Variants in TMEM117 observed in about 807,000 individuals in gnomAD.
TMEM117 encodes transmembrane protein 117.
A neutral mutation model predicts 52.4 loss-of-function variants in TMEM117; 27 were observed. That is an observed-to-expected ratio of 0.51 (90% confidence interval 0.38 to 0.71). The LOEUF (loss-of-function observed/expected upper bound fraction) is 0.71, where lower values mean the gene tolerates loss of function less well. Among genes scored for constraint, TMEM117 ranks in the 30% least tolerant of loss-of-function variants. The pLI, the probability that TMEM117 is intolerant of heterozygous loss-of-function variation, is 0.00. For synonymous variants in TMEM117, 215 were observed against 206.3 expected (o/e 1.04, Z -0.36); for missense variants, 556 against 630.5 (o/e 0.88, Z 1.26).
intron 3 of TMEM117, among the ~76,000 whole-genome samples, chr12:43,960,307 G>GGGGAGA (rs1333087216): frequency 6.6e-6 from 1 of 151,880 alleles, no homozygotes; most frequent in Non-Finnish European, 1.5e-5. Context: ...GGTTGAGTAA[G>GGGGAGA]GGGAGAGGGA....
intron 2 of TMEM117, among the ~76,000 whole-genome samples, chr12:43,891,138 A>G (rs571284063): frequency 9.9e-5 from 15 of 152,034 alleles, no homozygotes; most frequent in Admixed American, 2.0e-4. Context: ...TCCACATTTC[A>G]GGATTTATCT....
intron 6 of TMEM117, among the ~76,000 whole-genome samples, chr12:44,321,318 C>T (rs548927849): frequency 6.6e-6 from 1 of 152,250 alleles, no homozygotes; most frequent in South Asian, 2.1e-4. Context: ...CTTCTGGTAA[C>T]TCTTTTAGTT....
intron 6 of TMEM117, among the ~76,000 whole-genome samples, chr12:44,333,549 T>A (rs1951301121): frequency 6.6e-6 from 1 of 151,820 alleles, no homozygotes; most frequent in African/African-American, 2.4e-5. Flanking sequence ...GATCTGATAG[T>A]TTTATAAGGA....
At chr12:44,242,566 G>A (rs1216710366) in intron 5 of TMEM117, among the ~76,000 whole-genome samples, 2 of 151,222 alleles carry the variant, frequency 1.3e-5, no homozygotes. Flanking sequence ...TTGATTCCAT[G>A]CCTTTGCCAT....
chr12:44,281,049 T>A (rs985288123), intron 5 of TMEM117, among the ~76,000 whole-genome samples: 1 of 152,198 alleles, frequency 6.6e-6, no homozygotes, highest in African/African-American at 2.4e-5. Flanking sequence ...TAAGTCAGCA[T>A]CTTCACAAGT....
chr12:44,054,790 A>C (rs1278857422), intron 3 of TMEM117, among the ~76,000 whole-genome samples: 1 of 150,240 alleles, frequency 6.7e-6, no homozygotes, highest in Non-Finnish European at 1.5e-5. Context: ...TGTGCACAAC[A>C]TGCAGGTTTG....
rs186528832 is a variant in TMEM117 at position 44,284,806 on chromosome 12, A to C, written c.609-14774A>C. 1.9e-3 allele frequency among the ~76,000 whole-genome samples: 261 copies of C among 138,944 alleles called. 1 individual carries two copies. Among genetic ancestry groups the C allele is most frequent in the Non-Finnish European group, 3.0e-3 (202 of 67,346 alleles). The allele number at this position is 138,944 out of a possible 152,430, so 91.2% of individuals were successfully genotyped here. A position where few individuals can be genotyped will look rare whatever the true frequency, so the allele number is the denominator to read the frequency against. ...TCTCCTAATGGCTTTGCATTCTACT[A>C]GGTATTTTTTTTCTATTTTTTATTC... On this transcript the variant is annotated intron_variant, in intron 5 of 7. Coordinates refer to ENST00000266534, the MANE Select transcript of TMEM117 (RefSeq NM_032256.3).
chr12:43,999,733 C>A (rs1946087493), intron 3 of TMEM117, among the ~76,000 whole-genome samples: 1 of 152,102 alleles, frequency 6.6e-6, no homozygotes, highest in Non-Finnish European at 1.5e-5. Flanking sequence ...CTCAAGCAGT[C>A]CACTCGCCTC....
intron 3 of TMEM117, among the ~76,000 whole-genome samples, chr12:44,068,392 A>G (rs1305885552): frequency 6.6e-6 from 1 of 152,216 alleles, no homozygotes; most frequent in Non-Finnish European, 1.5e-5. Context: ...CACTAAGCTT[A>G]ATCATTTCTA....
chr12:43,949,691 T>A (rs1819128), intron 3 of TMEM117, among the ~76,000 whole-genome samples: 149,887 of 152,240 alleles, frequency 0.98, 73,816 homozygotes, highest in East Asian at 1. Flanking sequence ...ACTGCCTATC[T>A]CCTGATGGTA....
chr12:44,017,233 C>CTGTGTG (rs143648069), intron 3 of TMEM117, among the ~76,000 whole-genome samples: 24 of 147,210 alleles, frequency 1.6e-4, no homozygotes, highest in African/African-American at 5.4e-4. Context: ...ATGAAGCCTT[C>CTGTGTG]TGTGTGTGTG....
At chr12:44,019,345 T>C (rs1413904953) in intron 3 of TMEM117, among the ~76,000 whole-genome samples, 2 of 151,992 alleles carry the variant, frequency 1.3e-5, no homozygotes, top group Admixed American at 1.3e-4. Context: ...AGGAGACCCA[T>C]TGTAGTTTCA....
At chr12:44,296,437 A>G (rs1187947738) in intron 5 of TMEM117, among the ~76,000 whole-genome samples, 1 of 152,188 alleles carries the variant, frequency 6.6e-6, no homozygotes, top group Non-Finnish European at 1.5e-5. Context: ...ATTGGGCAAG[A>G]CTGCCCCTGA....
intron 7 of TMEM117, among the ~76,000 whole-genome samples, chr12:44,378,978 A>T (rs1331909280): frequency 6.6e-6 from 1 of 152,146 alleles, no homozygotes; most frequent in East Asian, 1.9e-4. Context: ...TGGAGCTTAA[A>T]TTCAAAATAT....
At chr12:44,091,796 A>G (rs1408140987) in intron 3 of TMEM117, among the ~76,000 whole-genome samples, 1 of 152,256 alleles carries the variant, frequency 6.6e-6, no homozygotes, top group Non-Finnish European at 1.5e-5. Flanking sequence ...GAAACAATTT[A>G]AAACTGCATG....
rs182678589 is a variant in TMEM117 at position 44,167,591 on chromosome 12, C to T, written c.510+23967C>T. ...CTGAGGCAGGAGCATCGCTTGAACC[C>T]GGGAGGCAGAATTTGCAGTGAGCTG... On this transcript the variant is annotated intron_variant, in intron 4 of 7. Transcript: ENST00000266534. 3.5e-3 allele frequency among the ~76,000 whole-genome samples: 529 copies of T among 151,978 alleles called. 4 individuals are homozygous for T. The highest frequency in any genetic ancestry group is 0.011 in the African/African-American group (443 of 41,468).
rs963160858 is a variant in TMEM117, at chr12:44,389,752, T to C, written c.*1080T>C. 4 of 152,392 alleles carry C rather than the reference T, an allele frequency of 2.6e-5. No individual in the cohort carries two copies. Among genetic ancestry groups the C allele is most frequent in the Admixed American group, 2.6e-4 (4 of 15,248 alleles). 9.4% of individuals were successfully genotyped at this position (152,392 alleles called of 1,614,324 possible). On this transcript the variant is annotated 3_prime_UTR_variant, in exon 8 of 8. Coordinates refer to ENST00000266534, the MANE Select transcript of TMEM117 (RefSeq NM_032256.3). ...ATTGCACATTAATAAATAAGAATTATACAGCAGTGATTATGTGATGTAGTT... is the reference window on the plus strand; with the variant it reads ...ATTGCACATTAATAAATAAGAATTACACAGCAGTGATTATGTGATGTAGTT...
chr12:44,019,961 T>C (rs570545218), intron 3 of TMEM117, among the ~76,000 whole-genome samples: 100 of 152,220 alleles, frequency 6.6e-4, no homozygotes, highest in Non-Finnish European at 1.2e-3. Context: ...TAATAGAATC[T>C]GGTTGTTAAA....
intron 4 of TMEM117, among the ~76,000 whole-genome samples, chr12:44,170,014 A>G (rs1057338719): frequency 2.0e-5 from 3 of 152,128 alleles, no homozygotes; most frequent in African/African-American, 4.8e-5. Flanking sequence ...TTGCAGCACT[A>G]TTCACAATAG....
Sources: allele counts gnomAD v4.1 joint callset (sites outside exome capture counted in the v4.1 genomes callset), GRCh38; gene constraint gnomAD v4.1.1; transcripts MANE v1.5; gene names NCBI Gene and HGNC (gene_info 2026-07-23, HGNC 2026-07-21).